Variants in SLC24A2 observed in about 807,000 individuals in gnomAD.
The protein encoded by SLC24A2 is solute carrier family 24 member 2.
In SLC24A2, 36 loss-of-function variants were observed where a neutral mutation model predicts 62.0. The observed-to-expected ratio is 0.58, with a 90% CI of 0.44 to 0.77. The LOEUF is 0.77. Among genes scored for constraint, SLC24A2 ranks in the 30% least tolerant of loss-of-function variants. The pLI is 0.00. For synonymous variants in SLC24A2, 358 were observed against 294.0 expected (o/e 1.22, Z -2.23); for missense variants, 846 against 817.9 (o/e 1.03, Z -0.42).
chr9:19,621,255 T>C (rs940897862), intron 3 of SLC24A2, among the ~76,000 whole-genome samples: 1 of 152,160 alleles, frequency 6.6e-6, no homozygotes, highest in African/African-American at 2.4e-5. Flanking sequence ...TCAATAGGGA[T>C]GGAAAAGAAT....
At chr9:19,770,681 G>A (rs1822660044) in intron 2 of SLC24A2, among the ~76,000 whole-genome samples, 1 of 152,164 alleles carries the variant, frequency 6.6e-6, no homozygotes, top group Non-Finnish European at 1.5e-5. Flanking sequence ...AGCATGTAGT[G>A]AGACAGTAGC....
At chr9:20,279,295 C>T in the SLC24A2 span, among the ~76,000 whole-genome samples, 1 of 152,130 alleles carries the variant, frequency 6.6e-6, no homozygotes, top group Non-Finnish European at 1.5e-5. Flanking sequence ...CTTTGGGAGG[C>T]TGAGGCAGGT....
chr9:19,667,760 G>C (rs1819298489), intron 2 of SLC24A2, among the ~76,000 whole-genome samples: 1 of 152,092 alleles, frequency 6.6e-6, no homozygotes, highest in South Asian at 2.1e-4. Flanking sequence ...CCTTGCCCCA[G>C]CCTGCACTTG....
the SLC24A2 span, among the ~76,000 whole-genome samples, chr9:19,884,951 G>A: frequency 2.6e-5 from 4 of 152,214 alleles, no homozygotes; most frequent in South Asian, 6.2e-4. Context: ...AAAACCACAC[G>A]GTAAGTTGAG....
At chr9:20,141,238 G>GCAAGA in the SLC24A2 span, among the ~76,000 whole-genome samples, 1 of 152,056 alleles carries the variant, frequency 6.6e-6, no homozygotes, top group African/African-American at 2.4e-5. Context: ...AGAGATAGAG[G>GCAAGA]CAAGACAGCT....
the SLC24A2 span, among the ~76,000 whole-genome samples, chr9:19,888,672 T>C: frequency 6.6e-6 from 1 of 152,192 alleles, no homozygotes; most frequent in Non-Finnish European, 1.5e-5. Flanking sequence ...TACCGCTTTC[T>C]AATGTATGAT....
At chr9:20,168,354 G>C in the SLC24A2 span, among the ~76,000 whole-genome samples, 7 of 151,654 alleles carry the variant, frequency 4.6e-5, no homozygotes, top group South Asian at 1.5e-3. Flanking sequence ...AAGATAACAG[G>C]TAACGAAATA....
At chr9:20,108,511 T>C in the SLC24A2 span, among the ~76,000 whole-genome samples, 2 of 152,222 alleles carry the variant, frequency 1.3e-5, no homozygotes, top group Non-Finnish European at 1.5e-5. Flanking sequence ...TGGAATACTA[T>C]GCAGCCATCA....
chr9:19,631,319 T>C (rs1265293773), intron 2 of SLC24A2, among the ~76,000 whole-genome samples: 2 of 152,242 alleles, frequency 1.3e-5, no homozygotes, highest in Admixed American at 1.3e-4. Context: ...CATTTGATAC[T>C]GCGAGTGACC....
chr9:19,905,974 G>C, the SLC24A2 span, among the ~76,000 whole-genome samples: 1 of 152,134 alleles, frequency 6.6e-6, no homozygotes, highest in Admixed American at 6.5e-5. Context: ...GCACCAAGCA[G>C]ACCTAATAGA....
chr9:19,729,491 G>C (rs1367905806), intron 2 of SLC24A2, among the ~76,000 whole-genome samples: 1 of 152,124 alleles, frequency 6.6e-6, no homozygotes, highest in African/African-American at 2.4e-5. Context: ...CAGGTGAATG[G>C]ATAAAGAAAA....
chr9:19,701,236 A>G (rs982417661), intron 2 of SLC24A2, among the ~76,000 whole-genome samples: 1 of 152,238 alleles, frequency 6.6e-6, no homozygotes. Context: ...AAGACAGATT[A>G]AAAAGGAAGA....
the SLC24A2 span, among the ~76,000 whole-genome samples, chr9:20,287,080 G>A: frequency 6.6e-6 from 1 of 152,180 alleles, no homozygotes; most frequent in Non-Finnish European, 1.5e-5. Flanking sequence ...ACATGCCAGG[G>A]TAAGTCTGAT....
the SLC24A2 span, among the ~76,000 whole-genome samples, chr9:20,286,838 GC>G: frequency 2.0e-5 from 3 of 151,930 alleles, no homozygotes; most frequent in Non-Finnish European, 4.4e-5. Flanking sequence ...GAGAAAGGAT[GC>G]TTAACTTGTC....
At chr9:20,063,762 C>T in the SLC24A2 span, among the ~76,000 whole-genome samples, 1 of 152,128 alleles carries the variant, frequency 6.6e-6, no homozygotes, top group South Asian at 2.1e-4. Context: ...GGCTAACAAG[C>T]ACATTTAAAA....
chr9:20,069,641 T>C, the SLC24A2 span, among the ~76,000 whole-genome samples: 5 of 152,226 alleles, frequency 3.3e-5, no homozygotes, highest in East Asian at 9.6e-4. Context: ...GTTTCTTTTA[T>C]TTTCGTCACC....
the SLC24A2 span, among the ~76,000 whole-genome samples, chr9:20,230,013 T>C: frequency 0.033 from 5,077 of 152,164 alleles, 253 homozygotes; most frequent in African/African-American, 0.11. Flanking sequence ...GATAGTTTGC[T>C]GGGAATGATG....
chr9:20,278,690 G>T, the SLC24A2 span, among the ~76,000 whole-genome samples: 48,422 of 151,976 alleles, frequency 0.32, 8,282 homozygotes, highest in East Asian at 0.57. Flanking sequence ...TCCTGTCTTC[G>T]GAGCCCTCCA....
At chr9:20,054,178 T>A in the SLC24A2 span, among the ~76,000 whole-genome samples, 1 of 152,096 alleles carries the variant, frequency 6.6e-6, no homozygotes, top group South Asian at 2.1e-4. Flanking sequence ...CTTTTTCTTT[T>A]CTTTTCTTTT....
Sources: allele counts gnomAD v4.1 joint callset (sites outside exome capture counted in the v4.1 genomes callset), GRCh38; gene constraint gnomAD v4.1.1; transcripts MANE v1.5; gene names NCBI Gene and HGNC (gene_info 2026-07-23, HGNC 2026-07-21).